The following ANKFN1 variants were observed in gnomAD, a reference collection of about 807,000 sequenced individuals.
The protein encoded by ANKFN1 is ankyrin repeat and fibronectin type III domain containing 1.
Under a neutral mutation model 108.7 loss-of-function variants are expected in ANKFN1, and 74 were observed. The ratio of observed to expected loss-of-function variants is 0.68; its 90% confidence interval spans 0.56 to 0.83. The LOEUF (loss-of-function observed/expected upper bound fraction) is 0.83, where lower values mean the gene tolerates loss of function less well. Among genes scored for constraint, ANKFN1 ranks in the 40% least tolerant of loss-of-function variants. The pLI is 0.00. For missense variants in ANKFN1, 1,505 were observed against 1,382.3 expected, an observed-to-expected ratio of 1.09 and a Z score of -1.41; for synonymous variants, 547 against 516.2, an observed-to-expected ratio of 1.06 and a Z score of -0.81.
intron 8 of ANKFN1, among the ~76,000 whole-genome samples, chr17:56,376,130 C>T (rs938963929): frequency 3.3e-5 from 5 of 152,204 alleles, no homozygotes; most frequent in Non-Finnish European, 5.9e-5. Flanking sequence ...ATGGCTCTCT[C>T]TGCCCACAAA....
At chr17:56,508,551 G>A (rs1183869589) in intron 20 of ANKFN1, among the ~76,000 whole-genome samples, 5 of 151,784 alleles carry the variant, frequency 3.3e-5, no homozygotes, top group Admixed American at 6.6e-5. Context: ...TCCTCTTATC[G>A]TTTGTATATT....
chr17:56,228,471 G>A (rs1916455564), intron 3 of ANKFN1: 2 of 152,158 alleles, frequency 1.3e-5, no homozygotes, highest in Admixed American at 1.3e-4. Flanking sequence ...AGTACTTCCA[G>A]TGTCTATACC....
chr17:56,158,431 C>T (rs780020572), intron 1 of ANKFN1, among the ~76,000 whole-genome samples: 1 of 152,186 alleles, frequency 6.6e-6, no homozygotes, highest in Non-Finnish European at 1.5e-5. Context: ...GGTTACGGCC[C>T]TAGCAGAAAT....
At chr17:56,133,374 G>T (rs1907398542) in intron 4 of ANKFN1, among the ~76,000 whole-genome samples, 1 of 152,144 alleles carries the variant, frequency 6.6e-6, no homozygotes, top group Non-Finnish European at 1.5e-5. Flanking sequence ...ACTTCAGCAT[G>T]GATGACTTCA....
chr17:56,081,116 C>T (rs113406592), intron 4 of ANKFN1, among the ~76,000 whole-genome samples: 6 of 152,234 alleles, frequency 3.9e-5, no homozygotes, highest in African/African-American at 9.6e-5. Context: ...CCATGCAGAT[C>T]GGCAGCAACC....
chr17:56,278,713 T>C (rs1020901151), intron 3 of ANKFN1, among the ~76,000 whole-genome samples: 5 of 152,356 alleles, frequency 3.3e-5, no homozygotes, highest in Admixed American at 3.3e-4. Flanking sequence ...TGAGAGTAGA[T>C]GACCAAGAGA....
chr17:56,295,801 G>C (rs1367860905), intron 3 of ANKFN1, among the ~76,000 whole-genome samples: 1 of 152,186 alleles, frequency 6.6e-6, no homozygotes, highest in Non-Finnish European at 1.5e-5. Flanking sequence ...TGGTGGAAGG[G>C]GAAAGAGAGA....
At chr17:56,391,366 A>ATATG (rs1255487006) in intron 8 of ANKFN1, among the ~76,000 whole-genome samples, 1 of 77,524 alleles carries the variant, frequency 1.3e-5, no homozygotes, top group Non-Finnish European at 2.3e-5. Context: ...ATACATATAT[A>ATATG]TATGTGTGTG....
Position 56,302,517 on chromosome 17 carries a change from C to CAA in ANKFN1, c.54-23689_54-23688dup, listed in dbSNP as rs774091391. 9.6e-4 allele frequency among the ~76,000 whole-genome samples: 92 copies of CAA among 96,188 alleles called. 1 individual carries two copies. The highest frequency in any genetic ancestry group is 1.8e-3 in the African/African-American group (45 of 25,096). The allele number at this position is 96,188 out of a possible 152,430, so 63.1% of individuals were successfully genotyped here. A position where few individuals can be genotyped will look rare whatever the true frequency, so the allele number is the denominator to read the frequency against. ...ACAACAGAGTGAGACCTAGCCTCTA[C>CAA]AAAAAAAAAAAAAAAAGAGAGAGAG... On this transcript the variant is annotated intron_variant, in intron 3 of 20. Transcript: ENST00000682825.
intron 4 of ANKFN1, among the ~76,000 whole-genome samples, chr17:56,144,156 G>GAAAAAAAAA (rs59884444): frequency 9.9e-5 from 4 of 40,560 alleles, no homozygotes; most frequent in African/African-American, 2.8e-4. Flanking sequence ...AGGCGCATCT[G>GAAAAAAAAA]AAAAAAAAAA....
At chr17:56,098,426 ACACACACACACACGCG>A (rs1470101330) in intron 4 of ANKFN1, among the ~76,000 whole-genome samples, 3 of 145,748 alleles carry the variant, frequency 2.1e-5, no homozygotes, top group African/African-American at 8.4e-5. Flanking sequence ...AAACACACAC[ACACACACACACACGCG>A]CGCGCACATA....
intron 4 of ANKFN1, among the ~76,000 whole-genome samples, chr17:56,062,045 G>A (rs543068384): frequency 5.3e-5 from 8 of 152,326 alleles, no homozygotes; most frequent in Admixed American, 2.0e-4. Context: ...GTGGTTTTGA[G>A]TGAGTTTCTT....
chr17:56,435,952 C>A (rs887119060), intron 8 of ANKFN1, among the ~76,000 whole-genome samples: 3 of 152,032 alleles, frequency 2.0e-5, no homozygotes, highest in Non-Finnish European at 2.9e-5. Flanking sequence ...TGCTTGGGTA[C>A]CCAAACTCTT....
chr17:56,069,698 G>A (rs945138080), intron 4 of ANKFN1, among the ~76,000 whole-genome samples: 3 of 152,122 alleles, frequency 2.0e-5, no homozygotes, highest in Non-Finnish European at 2.9e-5. Context: ...ATTGGAAAGG[G>A]ACCTGGATCC....
At chr17:56,340,205 A>G (rs2045924847) in intron 4 of ANKFN1, among the ~76,000 whole-genome samples, 1 of 151,642 alleles carries the variant, frequency 6.6e-6, no homozygotes, top group African/African-American at 2.4e-5. Context: ...TGGGTATTAG[A>G]CCTCGTCAGA....
intron 4 of ANKFN1, among the ~76,000 whole-genome samples, chr17:56,095,816 A>G (rs773851484): frequency 6.6e-6 from 1 of 152,236 alleles, no homozygotes; most frequent in Non-Finnish European, 1.5e-5. Flanking sequence ...TCCAAAATGC[A>G]GGATCTGTGC....
intron 8 of ANKFN1, among the ~76,000 whole-genome samples, chr17:56,428,037 A>C (rs1484707719): frequency 6.6e-6 from 1 of 152,128 alleles, no homozygotes; most frequent in African/African-American, 2.4e-5. Flanking sequence ...GTTCAAGACC[A>C]GCCTGGCCAA....
At chr17:56,176,594 C>A (rs966911418) in intron 1 of ANKFN1, among the ~76,000 whole-genome samples, 15 of 152,118 alleles carry the variant, frequency 9.9e-5, no homozygotes, top group Non-Finnish European at 2.9e-5. Flanking sequence ...TCCCTTATTT[C>A]GAATATCGTT....
chr17:56,511,295 C>T lies in ANKFN1; in HGVS notation c.*26C>T. On this transcript the variant is annotated 3_prime_UTR_variant, in exon 21 of 21. Coordinates refer to ENST00000682825, the MANE Select transcript of ANKFN1 (RefSeq NM_001370326.1). ...GGAGGCCCATCCCGGCTGTCCACCC[C>T]TCCATGGCTGCTACCTGCGTTTTAC... The T allele has an allele frequency of 1.3e-6, 2 of 1,486,712 alleles. No homozygotes were observed. Among genetic ancestry groups the T allele is most frequent in the Non-Finnish European group, 1.8e-6 (2 of 1,119,230 alleles). 92.1% of individuals were successfully genotyped at this position (1,486,712 alleles called of 1,614,324 possible).
Sources: allele counts gnomAD v4.1 joint callset (sites outside exome capture counted in the v4.1 genomes callset), GRCh38; gene constraint gnomAD v4.1.1; transcripts MANE v1.5; gene names NCBI Gene and HGNC (gene_info 2026-07-23, HGNC 2026-07-21).